Variants in PIK3C2G observed in about 807,000 individuals in gnomAD.
PIK3C2G encodes phosphatidylinositol-4-phosphate 3-kinase catalytic subunit type 2 gamma, also known as phosphatidylinositol 3-kinase C2 domain-containing subunit gamma.
A neutral mutation model predicts 181.1 loss-of-function variants in PIK3C2G; 168 were observed. The observed-to-expected ratio is 0.93, with a 90% CI of 0.82 to 1.05. PIK3C2G has a LOEUF of 1.05. Ranked by LOEUF, PIK3C2G falls within the 50% of genes least tolerant of loss-of-function variation. PIK3C2G has a pLI of 0.00. For missense variants in PIK3C2G, 1,869 were observed against 1,732.8 expected, an observed-to-expected ratio of 1.08 and a Z score of -1.40; for synonymous variants, 573 against 592.2, an observed-to-expected ratio of 0.97 and a Z score of 0.47.
At chr12:18,333,724 G>A (rs1403524853) in intron 8 of PIK3C2G, among the ~76,000 whole-genome samples, 4 of 152,170 alleles carry the variant, frequency 2.6e-5, no homozygotes, top group Admixed American at 6.5e-5. Context: ...TGGAATGAAC[G>A]GCATTCTAAA....
chr12:18,650,595 G>A (rs1950404934), downstream of PIK3C2G, among the ~76,000 whole-genome samples: 1 of 147,064 alleles, frequency 6.8e-6, no homozygotes, highest in Non-Finnish European at 1.5e-5. Flanking sequence ...TTGAGTGCTT[G>A]ATATGAGAGC....
At chr12:18,723,840 A>G in the PIK3C2G span, among the ~76,000 whole-genome samples, 1 of 152,088 alleles carries the variant, frequency 6.6e-6, no homozygotes, top group African/African-American at 2.4e-5. Flanking sequence ...CTTTACTTCA[A>G]TATCTTCTTA....
At chr12:18,590,857 A>C (rs1396872150) in intron 29 of PIK3C2G, among the ~76,000 whole-genome samples, 1 of 151,962 alleles carries the variant, frequency 6.6e-6, no homozygotes, top group Non-Finnish European at 1.5e-5. Flanking sequence ...GTATTTAGTC[A>C]TCCACACCCA....
chr12:18,362,101 G>A (rs1164908471), intron 11 of PIK3C2G, among the ~76,000 whole-genome samples: 1 of 152,022 alleles, frequency 6.6e-6, no homozygotes, highest in Non-Finnish European at 1.5e-5. Flanking sequence ...TTGGACACAC[G>A]AATCAACTCT....
chr12:18,671,533 T>C, the PIK3C2G span, among the ~76,000 whole-genome samples: 7 of 152,142 alleles, frequency 4.6e-5, no homozygotes, highest in African/African-American at 1.2e-4. Flanking sequence ...GCACCACCCA[T>C]GTGTGGCTAC....
At position 18,391,126 on chromosome 12, in the gene PIK3C2G, A is replaced by T. The variant is rs761050780; in HGVS notation, c.2000A>T (p.Asp667Val). 2.5e-6 allele frequency: 4 copies of T among 1,595,562 alleles called. No homozygotes were observed. The Admixed American group carries it at 7.0e-5, about 28-fold the overall frequency. ...AAATCATTTTTTTTCTTTCAGATTG[A>T]TTTTCCAGCTACTGGGTGGGAGTAT... ...SQPSPVTLQI[D>V]FPATGWEYMK... Residue 667 changes from aspartate (D) to valine (V), a missense_variant, in exon 15 of 33, where the codon GAT becomes GTT. Transcript: ENST00000538779.
At chr12:18,506,267 C>T (rs542283676) in intron 24 of PIK3C2G, among the ~76,000 whole-genome samples, 6 of 151,952 alleles carry the variant, frequency 3.9e-5, no homozygotes, top group East Asian at 3.9e-4. Flanking sequence ...TGGAGAGGGG[C>T]GGGCAGTAGG....
the PIK3C2G span, chr12:18,719,531 T>C: frequency 1.3e-6 from 2 of 1,594,986 alleles, no homozygotes; most frequent in Non-Finnish European, 1.7e-6. Flanking sequence ...GGATGAGTCA[T>C]ATCTTGATAA....
the PIK3C2G span, among the ~76,000 whole-genome samples, chr12:18,715,366 T>C: frequency 6.6e-6 from 1 of 151,950 alleles, no homozygotes. Flanking sequence ...TTAAGAATAA[T>C]TAAATTCTTA....
At chr12:18,613,354 G>A (rs1948439658) in intron 31 of PIK3C2G, among the ~76,000 whole-genome samples, 1 of 151,968 alleles carries the variant, frequency 6.6e-6, no homozygotes, top group Admixed American at 6.6e-5. Flanking sequence ...AAAGATAGAA[G>A]ACAACTCAAA....
At chr12:18,695,581 C>T in the PIK3C2G span, among the ~76,000 whole-genome samples, 3 of 152,016 alleles carry the variant, frequency 2.0e-5, no homozygotes, top group South Asian at 2.1e-4. Context: ...CCACACTCCA[C>T]CCTCCACCCA....
Position 18,444,833 on chromosome 12 carries a change from A to T in PIK3C2G, c.2504+20794A>T, listed in dbSNP as rs112618365. Among the ~76,000 whole-genome samples, 440 of 152,278 alleles carry T rather than the reference A, an allele frequency of 2.9e-3. 3 individuals carry two copies. The highest frequency in any genetic ancestry group is 1.0e-2 in the African/African-American group (414 of 41,578). ...GTTATGTCCTAAGTTTGATATGTTCATACACATTCTCTATCACAGTGGATG... is the reference window on the plus strand; with the variant it reads ...GTTATGTCCTAAGTTTGATATGTTCTTACACATTCTCTATCACAGTGGATG... On this transcript the variant is annotated intron_variant, in intron 18 of 32. Transcript: ENST00000538779.
chr12:18,380,593 A>C (rs150240825), intron 13 of PIK3C2G, among the ~76,000 whole-genome samples: 181 of 152,332 alleles, frequency 1.2e-3, no homozygotes, highest in African/African-American at 4.2e-3. Context: ...TGATATTGTT[A>C]TACCAAGACA....
the PIK3C2G span, among the ~76,000 whole-genome samples, chr12:18,672,801 C>A: frequency 6.6e-6 from 1 of 152,138 alleles, no homozygotes; most frequent in Non-Finnish European, 1.5e-5. Context: ...CCTAACCTAA[C>A]AGGAGCAAGA....
chr12:18,712,460 C>T, the PIK3C2G span, among the ~76,000 whole-genome samples: 1 of 152,072 alleles, frequency 6.6e-6, no homozygotes. Context: ...TGAAATGATG[C>T]ATTGTTGATA....
chr12:18,400,120 G>C (rs563518199), intron 16 of PIK3C2G, among the ~76,000 whole-genome samples: 1 of 152,092 alleles, frequency 6.6e-6, no homozygotes, highest in East Asian at 1.9e-4. Flanking sequence ...TAATTAAGCA[G>C]GGAAAAATAA....
chr12:18,344,412 T>A (rs1939455684), intron 10 of PIK3C2G, among the ~76,000 whole-genome samples: 1 of 152,010 alleles, frequency 6.6e-6, no homozygotes, highest in Non-Finnish European at 1.5e-5. Flanking sequence ...ATAAAGAAAC[T>A]TGTGCAAGTA....
intron 8 of PIK3C2G, among the ~76,000 whole-genome samples, chr12:18,328,518 T>C (rs947805620): frequency 3.3e-5 from 5 of 151,950 alleles, no homozygotes; most frequent in Admixed American, 6.6e-5. Flanking sequence ...ATTTCAAACA[T>C]AACTTAAGCC....
At chr12:18,276,731 G>A (rs1287438018) in intron 1 of PIK3C2G, among the ~76,000 whole-genome samples, 2 of 151,956 alleles carry the variant, frequency 1.3e-5, no homozygotes, top group African/African-American at 4.8e-5. Flanking sequence ...ATTCATTTTT[G>A]TATTACAAGT....
Sources: gnomAD v4.1 joint callset for allele counts (sites outside exome capture counted in the v4.1 genomes callset) on GRCh38, gnomAD v4.1.1 for gene constraint, MANE v1.5 for transcripts, NCBI Gene and HGNC (gene_info 2026-07-23, HGNC 2026-07-21) for gene names.